SLC14A2: variants seen among roughly 807,000 people sequenced by gnomAD.
SLC14A2 encodes urea transporter 2.
In SLC14A2, 91 loss-of-function variants were observed where a neutral mutation model predicts 104.6. The observed-to-expected ratio is 0.87, with a 90% CI of 0.73 to 1.04. SLC14A2 has a LOEUF of 1.04. Ranked by LOEUF, SLC14A2 falls within the 50% of genes least tolerant of loss-of-function variation. SLC14A2 has a pLI of 0.00. For synonymous variants in SLC14A2, 476 were observed against 466.4 expected (o/e 1.02, Z -0.27); for missense variants, 1,189 against 1,156.0 (o/e 1.03, Z -0.41).
chr18:45,512,091 A>T (rs2043373471), intron 2 of SLC14A2, among the ~76,000 whole-genome samples: 1 of 152,236 alleles, frequency 6.6e-6, no homozygotes, highest in African/African-American at 2.4e-5. Flanking sequence ...AAATTGGAAT[A>T]AAGATGCTAT....
intron 5 of SLC14A2, chr18:45,635,031 A>T (rs781245445): frequency 4.1e-5 from 14 of 341,344 alleles, no homozygotes; most frequent in Non-Finnish European, 7.5e-5. Context: ...AAAACCAAGG[A>T]GAGGAAAAAA....
At chr18:45,439,281 A>T (rs1274993195) in intron 1 of SLC14A2, among the ~76,000 whole-genome samples, 1 of 148,874 alleles carries the variant, frequency 6.7e-6, no homozygotes, top group African/African-American at 2.5e-5. Context: ...TCTATCTCTT[A>T]AAAAAAATGC....
At chr18:45,536,670 T>C (rs8092415) in intron 2 of SLC14A2, among the ~76,000 whole-genome samples, 1 of 152,012 alleles carries the variant, frequency 6.6e-6, no homozygotes, top group Non-Finnish European at 1.5e-5. Context: ...TCTCAGGTAT[T>C]GGGGGTTGGG....
chr18:45,344,753 G>A (rs2085430955), intron 1 of SLC14A2, among the ~76,000 whole-genome samples: 1 of 152,192 alleles, frequency 6.6e-6, no homozygotes, highest in African/African-American at 2.4e-5. Context: ...GGAAAGTGGT[G>A]TGCGTCAGTG....
chr18:45,275,425 A>G (rs887792762), intron 1 of SLC14A2, among the ~76,000 whole-genome samples: 2 of 152,220 alleles, frequency 1.3e-5, no homozygotes, highest in Non-Finnish European at 2.9e-5. Flanking sequence ...TTTGCAAACC[A>G]GTGTTACTCA....
intron 2 of SLC14A2, among the ~76,000 whole-genome samples, chr18:45,575,206 G>T (rs1483076035): frequency 1.3e-5 from 2 of 152,052 alleles, no homozygotes; most frequent in African/African-American, 4.8e-5. Context: ...CTCTTGCCTG[G>T]GACAGAGGGT....
intron 18 of SLC14A2, among the ~76,000 whole-genome samples, chr18:45,675,709 A>ATATATATATATATATATTTT (rs57989993): frequency 1.3e-5 from 1 of 78,396 alleles, no homozygotes; most frequent in African/African-American, 4.9e-5. Flanking sequence ...ATATATATAT[A>ATATATATATATATATATTTT]TTTTTTTTTT....
intron 1 of SLC14A2, among the ~76,000 whole-genome samples, chr18:45,291,340 G>A (rs950220105): frequency 5.9e-5 from 9 of 152,030 alleles, no homozygotes; most frequent in Admixed American, 2.0e-4. Flanking sequence ...TAAAGGTTGC[G>A]TGGTAATAAT....
At position 45,673,754 on chromosome 18, in the gene SLC14A2, A is replaced by T. The variant is rs1381744270; in HGVS notation, c.2449A>T (p.Ile817Leu). 1 of 1,614,082 alleles carries T rather than the reference A, an allele frequency of 6.2e-7. No homozygotes were observed. The highest frequency in any genetic ancestry group is 8.5e-7 in the Non-Finnish European group (1 of 1,180,022). ...TGGCTTCAACAGCACCCTCGCATGCATAGCGATAGGAGGCATGTTCTACGT... is the reference window on the plus strand; with the variant it reads ...TGGCTTCAACAGCACCCTCGCATGCTTAGCGATAGGAGGCATGTTCTACGT... ...LCGFNSTLACIAIGGMFYVIT... is the reference protein window; with the variant it reads ...LCGFNSTLACLAIGGMFYVIT... Residue 817 changes from isoleucine to leucine, a missense_variant, in exon 18 of 20, where the codon ATA becomes TTA. Physicochemically the swap from Ile to Leu is conservative, Grantham distance 5. Transcript: ENST00000255226.
intron 2 of SLC14A2, among the ~76,000 whole-genome samples, chr18:45,500,391 C>T (rs1040730281): frequency 6.6e-6 from 1 of 152,060 alleles, no homozygotes; most frequent in Non-Finnish European, 1.5e-5. Flanking sequence ...TCCTGGCTAA[C>T]ACGGTGAAAC....
intron 1 of SLC14A2, among the ~76,000 whole-genome samples, chr18:45,293,329 C>A (rs1289552286): frequency 6.6e-6 from 1 of 151,778 alleles, no homozygotes; most frequent in African/African-American, 2.4e-5. Flanking sequence ...AAAGCCCATG[C>A]CAGAAAGAGT....
chr18:45,192,526 C>T, the SLC14A2 span, among the ~76,000 whole-genome samples: 4 of 152,080 alleles, frequency 2.6e-5, no homozygotes, highest in African/African-American at 7.2e-5. Context: ...ATTTTATATC[C>T]CCACAGCAGT....
chr18:45,558,450 G>A (rs1264331278), intron 2 of SLC14A2, among the ~76,000 whole-genome samples: 1 of 152,236 alleles, frequency 6.6e-6, no homozygotes, highest in African/African-American at 2.4e-5. Flanking sequence ...CTGGTAAGGA[G>A]GGCCATGTGG....
chr18:45,303,206 C>T (rs1210922574), intron 1 of SLC14A2, among the ~76,000 whole-genome samples: 3 of 152,094 alleles, frequency 2.0e-5, no homozygotes, highest in Non-Finnish European at 4.4e-5. Context: ...GTACAGAAAT[C>T]GACAGTGAGG....
At chr18:45,376,776 G>A (rs567490459) in intron 1 of SLC14A2, among the ~76,000 whole-genome samples, 1 of 152,226 alleles carries the variant, frequency 6.6e-6, no homozygotes, top group South Asian at 2.1e-4. Context: ...TCTGGGCATG[G>A]GAAATGGCAA....
chr18:45,683,321 G>A lies in SLC14A2; in HGVS notation c.*802G>A, dbSNP rs16978450. 18,613 of 152,164 alleles carry A rather than the reference G, an allele frequency of 0.12. 1,372 individuals carry two copies. Among genetic ancestry groups the A allele is most frequent in the East Asian group, 0.34 (1,733 of 5,168 alleles). 9.4% of individuals were successfully genotyped at this position (152,164 alleles called of 1,614,324 possible). On this transcript the variant is annotated 3_prime_UTR_variant, in exon 20 of 20. Coordinates refer to ENST00000255226, the MANE Select transcript of SLC14A2 (RefSeq NM_007163.4). Reference sequence around the variant, plus strand: ...CATTTCTTAATCAGTTTCATGACAGGGAAGGATTTGAAAGTCCTTTCCACC... The same window carrying A: ...CATTTCTTAATCAGTTTCATGACAGAGAAGGATTTGAAAGTCCTTTCCACC...
intron 1 of SLC14A2, among the ~76,000 whole-genome samples, chr18:45,252,411 C>T (rs2084432630): frequency 6.6e-6 from 1 of 152,102 alleles, no homozygotes; most frequent in Non-Finnish European, 1.5e-5. Flanking sequence ...CAGGGTTCCC[C>T]AGTGTTTGCT....
chr18:45,201,043 C>A, the SLC14A2 span, among the ~76,000 whole-genome samples: 1 of 151,946 alleles, frequency 6.6e-6, no homozygotes, highest in Non-Finnish European at 1.5e-5. Context: ...TGACCATGAC[C>A]GTAACAGTTT....
At chr18:45,206,581 T>C in the SLC14A2 span, among the ~76,000 whole-genome samples, 1 of 152,242 alleles carries the variant, frequency 6.6e-6, no homozygotes, top group Non-Finnish European at 1.5e-5. Flanking sequence ...TTGTATGCCT[T>C]TCTCCTTTAT....
Sources: gnomAD v4.1 joint callset for allele counts (sites outside exome capture counted in the v4.1 genomes callset) on GRCh38, gnomAD v4.1.1 for gene constraint, MANE v1.5 for transcripts, NCBI Gene and HGNC (gene_info 2026-07-23, HGNC 2026-07-21) for gene names.